The following TCEA3 variants were observed in gnomAD, a reference collection of about 807,000 sequenced individuals.
The protein encoded by TCEA3 is transcription elongation factor A protein 3.
Under a neutral mutation model 44.0 loss-of-function variants are expected in TCEA3, and 36 were observed. The observed-to-expected ratio is 0.82, with a 90% CI of 0.63 to 1.08. The LOEUF (loss-of-function observed/expected upper bound fraction) is 1.08, where lower values mean the gene tolerates loss of function less well. Ranked by LOEUF, TCEA3 falls within the 50% of genes least tolerant of loss-of-function variation. The pLI, the probability that TCEA3 is intolerant of heterozygous loss-of-function variation, is 0.00. For synonymous variants in TCEA3, 162 were observed against 159.7 expected (o/e 1.01, Z -0.11); for missense variants, 392 against 441.2 (o/e 0.89, Z 1.00).
chr1:23,397,840 C>T lies in TCEA3; in HGVS notation c.559G>A (p.Val187Ile). The change falls in exon 6 of 11, where the codon GTC becomes ATC. Residue 187 changes from valine (V) to isoleucine (I), a missense_variant. Physicochemically the swap from Val to Ile is conservative, Grantham distance 29. Transcript: ENST00000450454. The stretch of plus-strand genomic sequence containing the variant: ...AGCATCTCCACACACTTGTCCCGGA[C>T]AGAGTCCCCTGTGAGATAGCAGGGG... ...LAPCYLTGDS[V>I]RDKCVEMLSA... 1 of 1,614,002 alleles carries T rather than the reference C, an allele frequency of 6.2e-7. No individual in the cohort carries two copies.
At chr1:23,415,891 A>C (rs1243558843) in intron 4 of TCEA3, among the ~76,000 whole-genome samples, 1 of 152,198 alleles carries the variant, frequency 6.6e-6, no homozygotes, top group Non-Finnish European at 1.5e-5. Flanking sequence ...ATGACTATAG[A>C]AAACAAGTCA....
Position 23,417,387 on chromosome 1 carries a change from G to T in TCEA3, c.242C>A (p.Ser81Tyr), listed in dbSNP as rs763171455. ...TTTTTCTCCTTTTGGGGGTCCAGGG[G>T]AGTCTGAAAACAAAAGGGTGGCATT... ...LIKNWKRLLD[S>Y]PGPPKGEKGE... The change falls in exon 4 of 11, where the codon TCC becomes TAC. Residue 81 changes from serine (S) to tyrosine (Y), a missense_variant. By Grantham distance (144) the Ser-to-Tyr change is moderately radical. Transcript: ENST00000450454. 9 of 1,612,660 alleles carry T rather than the reference G, an allele frequency of 5.6e-6. No individual in the cohort carries two copies. Among genetic ancestry groups the T allele is most frequent in the Non-Finnish European group, 7.6e-6 (9 of 1,179,604 alleles).
intron 8 of TCEA3, among the ~76,000 whole-genome samples, chr1:23,390,557 T>C (rs1015994898): frequency 2.6e-5 from 4 of 152,000 alleles, no homozygotes; most frequent in Non-Finnish European, 5.9e-5. Flanking sequence ...GAAAAGTATT[T>C]GGGGTAGGTT....
At chr1:23,411,375 C>T (rs1430307737) in intron 4 of TCEA3, 2 of 156,906 alleles carry the variant, frequency 1.3e-5, no homozygotes, top group African/African-American at 2.4e-5. Flanking sequence ...CCAGGCTGGT[C>T]TCGAACTTCT....
At chr1:23,391,777 G>A (rs1314589361) in intron 8 of TCEA3, among the ~76,000 whole-genome samples, 1 of 152,034 alleles carries the variant, frequency 6.6e-6, no homozygotes, top group African/African-American at 2.4e-5. Context: ...ACAAAAATTA[G>A]CCGGGCATGG....
chr1:23,423,836 G>A, intron 1 of TCEA3: 1 of 456,054 alleles, frequency 2.2e-6, no homozygotes. Flanking sequence ...CCCTCCGGTA[G>A]GGCTGTCAGC....
At chr1:23,408,388 G>A (rs1639612958) in intron 5 of TCEA3, among the ~76,000 whole-genome samples, 4 of 152,128 alleles carry the variant, frequency 2.6e-5, no homozygotes, top group Admixed American at 2.6e-4. Context: ...CCCCTGATTC[G>A]GGGGCACACT....
chr1:23,393,306 A>T (rs1639116997), intron 8 of TCEA3, among the ~76,000 whole-genome samples: 1 of 152,054 alleles, frequency 6.6e-6, no homozygotes, highest in African/African-American at 2.4e-5. Context: ...CCCAACAGGT[A>T]CCAGCTGGTG....
intron 8 of TCEA3, among the ~76,000 whole-genome samples, chr1:23,389,931 A>C (rs556668896): frequency 2.0e-5 from 3 of 152,192 alleles, no homozygotes; most frequent in Non-Finnish European, 4.4e-5. Flanking sequence ...AGTCCAACGG[A>C]TTCAGAAAGG....
rs867607189 is a variant in TCEA3, at chr1:23,387,262, A to G, written c.966+11T>C. ...TCCTGCACCTCCGGCCCGTCCCCTCACTGTCCTTACCTGGTTATAGGTGCA... is the reference window on the plus strand; with the variant it reads ...TCCTGCACCTCCGGCCCGTCCCCTCGCTGTCCTTACCTGGTTATAGGTGCA... On this transcript the variant is annotated intron_variant, in intron 9 of 10. Coordinates refer to ENST00000450454, the MANE Select transcript of TCEA3 (RefSeq NM_003196.3). 4 of 1,612,384 alleles carry G rather than the reference A, an allele frequency of 2.5e-6. No individual in the cohort carries two copies. Among genetic ancestry groups the G allele is most frequent in the Middle Eastern group, 3.5e-4 (2 of 5,776 alleles).
chr1:23,419,681 C>T (rs1640000764), intron 1 of TCEA3, among the ~76,000 whole-genome samples: 1 of 152,010 alleles, frequency 6.6e-6, no homozygotes, highest in Non-Finnish European at 1.5e-5. Flanking sequence ...TATTAAAATA[C>T]AAAAATTAGC....
chr1:23,408,550 A>G (rs184495825), intron 5 of TCEA3, 114 bp downstream of exon 5: 1 of 1,049,398 alleles, frequency 9.5e-7, no homozygotes, highest in Non-Finnish European at 1.4e-6. Flanking sequence ...AACATAATGT[A>G]GGAGGTTTCT....
At chr1:23,408,387 C>G (rs926068958) in intron 5 of TCEA3, among the ~76,000 whole-genome samples, 1 of 152,062 alleles carries the variant, frequency 6.6e-6, no homozygotes, top group Admixed American at 6.5e-5. Context: ...ACCCCTGATT[C>G]GGGGGCACAC....
At position 23,399,152 on chromosome 1, in the gene TCEA3, A is replaced by ATATATATGTG. The variant is rs1423187630; in HGVS notation, c.444-1198_444-1197insCACATATATA. ...TATATATATGTATATATGTATATAT[A>ATATATATGTG]TATATATATATATATATATATATAT... is the stretch of plus-strand genomic sequence containing the variant. On this transcript the variant is annotated intron_variant, in intron 5 of 10. Coordinates refer to ENST00000450454, the MANE Select transcript of TCEA3 (RefSeq NM_003196.3). 1.8e-4 allele frequency among the ~76,000 whole-genome samples: 17 copies of ATATATATGTG among 91,902 alleles called. No individual in the cohort carries two copies. The East Asian group carries it at 7.8e-3, about 42-fold the overall frequency. 60.3% of individuals were successfully genotyped at this position (91,902 alleles called of 152,430 possible).
At chr1:23,399,640 A>G (rs1164888987) in intron 5 of TCEA3, among the ~76,000 whole-genome samples, 1 of 151,478 alleles carries the variant, frequency 6.6e-6, no homozygotes, top group African/African-American at 2.4e-5. Context: ...TTCTATACAG[A>G]ATTTATCTAC....
At chr1:23,412,034 T>A (rs1639723857) in intron 4 of TCEA3, 1 of 152,190 alleles carries the variant, frequency 6.6e-6, no homozygotes, top group Non-Finnish European at 1.5e-5. Context: ...ACTGAGCCGG[T>A]GCATACCTTA....
At chr1:23,421,729 T>G (rs1640071755) in intron 1 of TCEA3, among the ~76,000 whole-genome samples, 1 of 152,176 alleles carries the variant, frequency 6.6e-6, no homozygotes, top group African/African-American at 2.4e-5. Context: ...AATCAGGAAG[T>G]GATTATTTTG....
intron 8 of TCEA3, among the ~76,000 whole-genome samples, chr1:23,387,949 A>T (rs988177489): frequency 1.3e-5 from 2 of 152,066 alleles, no homozygotes; most frequent in African/African-American, 4.8e-5. Context: ...CTAACTGTTC[A>T]TCTGATGAGC....
intron 4 of TCEA3, among the ~76,000 whole-genome samples, chr1:23,413,177 C>A (rs1333559268): frequency 6.6e-6 from 1 of 152,048 alleles, no homozygotes; most frequent in African/African-American, 2.4e-5. Context: ...TCACTCCTCA[C>A]CCAGGCTGGA....
Sources: gnomAD v4.1 joint callset for allele counts (sites outside exome capture counted in the v4.1 genomes callset) on GRCh38, gnomAD v4.1.1 for gene constraint, MANE v1.5 for transcripts, NCBI Gene and HGNC (gene_info 2026-07-23, HGNC 2026-07-21) for gene names.